Variants in TMEM132B observed in about 807,000 individuals in gnomAD.
TMEM132B encodes transmembrane protein 132B.
In TMEM132B, 18 loss-of-function variants were observed where a neutral mutation model predicts 90.8. That is an observed-to-expected ratio of 0.20 (90% CI 0.14 to 0.29). The LOEUF (loss-of-function observed/expected upper bound fraction) is 0.29, where lower values mean the gene tolerates loss of function less well. Ranked by LOEUF, TMEM132B falls within the 10% of genes least tolerant of loss-of-function variation. The probability of loss-of-function intolerance (pLI) is 1.00; values close to 1 mark genes in which losing one functional copy is unlikely to be tolerated. For missense variants in TMEM132B, 1,096 were observed against 1,326.8 expected (o/e 0.83, Z 2.70); for synonymous variants, 504 against 523.3 (o/e 0.96, Z 0.50).
chr12:125,325,094 T>G (rs1320064567), intron 1 of TMEM132B, among the ~76,000 whole-genome samples: 1 of 152,154 alleles, frequency 6.6e-6, no homozygotes, highest in Non-Finnish European at 1.5e-5. Context: ...AGGCACCAGT[T>G]CCATTGTGTT....
At chr12:125,550,259 C>T (rs1884191088) in intron 4 of TMEM132B, among the ~76,000 whole-genome samples, 1 of 152,232 alleles carries the variant, frequency 6.6e-6, no homozygotes, top group Admixed American at 6.5e-5. Flanking sequence ...GGCTGAACCT[C>T]AGGCTGGGGG....
At chr12:125,389,525 C>T (rs1878948034) in intron 2 of TMEM132B, among the ~76,000 whole-genome samples, 2 of 152,072 alleles carry the variant, frequency 1.3e-5, no homozygotes, top group Admixed American at 1.3e-4. Context: ...GCTGTGTGAT[C>T]TTGGGAAAAT....
At chr12:125,197,882 T>G (rs1872960443) in intron 1 of TMEM132B, among the ~76,000 whole-genome samples, 1 of 152,216 alleles carries the variant, frequency 6.6e-6, no homozygotes, top group Non-Finnish European at 1.5e-5. Context: ...AGTAATGCTT[T>G]TGAATGAGTA....
chr12:125,299,991 C>T (rs190155689), intron 1 of TMEM132B, among the ~76,000 whole-genome samples: 4 of 152,364 alleles, frequency 2.6e-5, no homozygotes, highest in East Asian at 3.9e-4. Context: ...TGGCCTGAGG[C>T]CCTGCAGGGT....
chr12:125,346,084 T>C (rs1877353512), intron 1 of TMEM132B, among the ~76,000 whole-genome samples: 1 of 152,210 alleles, frequency 6.6e-6, no homozygotes, highest in South Asian at 2.1e-4. Context: ...CCATATACAC[T>C]TTCAGACAAA....
chr12:125,494,775 TTCCTCCTCC>T (rs2136574526), intron 3 of TMEM132B, among the ~76,000 whole-genome samples: 2 of 95,384 alleles, frequency 2.1e-5, no homozygotes, highest in Non-Finnish European at 4.0e-5. Context: ...AATGGCCGTG[TTCCTCCTCC>T]CCCTCTTCCC....
At chr12:125,325,477 A>C (rs1218456194) in intron 1 of TMEM132B, among the ~76,000 whole-genome samples, 1 of 152,198 alleles carries the variant, frequency 6.6e-6, no homozygotes, top group Non-Finnish European at 1.5e-5. Context: ...GTTTGTCAAT[A>C]TATTTATTTA....
At chr12:125,426,191 A>T (rs35524861) in intron 3 of TMEM132B, among the ~76,000 whole-genome samples, 1 of 152,102 alleles carries the variant, frequency 6.6e-6, no homozygotes. Context: ...CAGCTCCCCA[A>T]TGATACATGA....
At chr12:125,439,214 T>C (rs922002514) in intron 3 of TMEM132B, among the ~76,000 whole-genome samples, 7 of 152,094 alleles carry the variant, frequency 4.6e-5, no homozygotes, top group African/African-American at 1.7e-4. Flanking sequence ...TGTGGTTTGA[T>C]AGGAAGAGCA....
intron 2 of TMEM132B, among the ~76,000 whole-genome samples, chr12:125,412,019 ACCCCCC>A (rs1373533758): frequency 6.6e-6 from 1 of 151,546 alleles, no homozygotes; most frequent in African/African-American, 2.4e-5. Context: ...CTGCCACGGC[ACCCCCC>A]GTGCTAGGAA....
intron 4 of TMEM132B, among the ~76,000 whole-genome samples, chr12:125,558,245 C>T (rs1025910789): frequency 6.6e-6 from 1 of 152,048 alleles, no homozygotes; most frequent in Non-Finnish European, 1.5e-5. Flanking sequence ...TTTGCTCTGC[C>T]CTGCCATCTG....
rs1458675757 is a variant in TMEM132B at position 125,213,761 on chromosome 12, A to T, written c.67+26895A>T. 1.3e-5 allele frequency among the ~76,000 whole-genome samples: 2 copies of T among 152,198 alleles called. No homozygotes were observed. The highest frequency in any genetic ancestry group is 4.8e-5 in the African/African-American group (2 of 41,426). On this transcript the variant is annotated intron_variant, in intron 1 of 8. Transcript: ENST00000682704. The surrounding 1 kb of genome is among the most constrained non-coding windows in gnomAD (Gnocchi z 4.2). ...GTGATCTCTGTAAGTATAGATCATG[A>T]CTACCTTGCTTATTCATCCACCTGT...
At chr12:125,471,129 C>G (rs1881706346) in intron 3 of TMEM132B, among the ~76,000 whole-genome samples, 1 of 152,232 alleles carries the variant, frequency 6.6e-6, no homozygotes, top group South Asian at 2.1e-4. Flanking sequence ...CCCATGAGCT[C>G]AATCATTCCA....
At chr12:125,470,274 A>C (rs1203411154) in intron 3 of TMEM132B, among the ~76,000 whole-genome samples, 2 of 152,134 alleles carry the variant, frequency 1.3e-5, no homozygotes, top group Non-Finnish European at 2.9e-5. Context: ...CCAACCATCA[A>C]CTGCAGACAG....
At chr12:125,347,647 A>G (rs1003406703) in intron 1 of TMEM132B, among the ~76,000 whole-genome samples, 1 of 152,192 alleles carries the variant, frequency 6.6e-6, no homozygotes, top group Non-Finnish European at 1.5e-5. Flanking sequence ...CTGCATTTTA[A>G]GCGCCACGGT....
chr12:125,372,699 C>T (rs1318852500), intron 2 of TMEM132B, among the ~76,000 whole-genome samples: 1 of 152,176 alleles, frequency 6.6e-6, no homozygotes, highest in Non-Finnish European at 1.5e-5. Context: ...AGTCCCCTTT[C>T]CTGCTACAAA....
At chr12:125,211,295 A>C (rs1873312818) in intron 1 of TMEM132B, among the ~76,000 whole-genome samples, 1 of 152,078 alleles carries the variant, frequency 6.6e-6, no homozygotes, top group Non-Finnish European at 1.5e-5. Context: ...TTTCCCATGG[A>C]GTTGTTGGGT....
Position 125,277,478 on chromosome 12 carries a change from CA to C in TMEM132B, c.68-71964del, listed in dbSNP as rs35077197. ...GGGCAACAAGAGCAAGACTCTGTCTCAAAAAAAAAAGATGAAGAGGGAGAAC... is the reference window on the plus strand; with the variant it reads ...GGGCAACAAGAGCAAGACTCTGTCTCAAAAAAAAAGATGAAGAGGGAGAAC... On this transcript the variant is annotated intron_variant, in intron 1 of 8. Coordinates refer to ENST00000682704, the MANE Select transcript of TMEM132B (RefSeq NM_001366854.1). The surrounding 1 kb of genome is among the most constrained non-coding windows in gnomAD (Gnocchi z 4.3). 7.7e-5 allele frequency among the ~76,000 whole-genome samples: 11 copies of C among 142,640 alleles called. No individual in the cohort carries two copies. The South Asian group carries it at 1.1e-3, about 14-fold the overall frequency. The allele number at this position is 142,640 out of a possible 152,430, so 93.6% of individuals were successfully genotyped here. A position where few individuals can be genotyped will look rare whatever the true frequency, so the allele number is the denominator to read the frequency against.
At chr12:125,288,778 G>A (rs970705122) in intron 1 of TMEM132B, among the ~76,000 whole-genome samples, 3 of 152,160 alleles carry the variant, frequency 2.0e-5, no homozygotes, top group Non-Finnish European at 4.4e-5. Context: ...CCCCAAATTC[G>A]TGACAACCAG....
Sources: allele counts gnomAD v4.1 joint callset (sites outside exome capture counted in the v4.1 genomes callset), GRCh38; gene constraint gnomAD v4.1.1; non-coding constraint Gnocchi (gnomAD v3.1); transcripts MANE v1.5; gene names NCBI Gene and HGNC (gene_info 2026-07-23, HGNC 2026-07-21).